CDH4: variants seen among roughly 807,000 people sequenced by gnomAD.
The protein encoded by CDH4 is cadherin 4.
In CDH4, 33 loss-of-function variants were observed where a neutral mutation model predicts 86.0. The observed-to-expected ratio is 0.38, with a 90% CI of 0.29 to 0.51. The LOEUF (loss-of-function observed/expected upper bound fraction) is 0.51. CDH4 is among the 20% of genes least tolerant of loss of function. CDH4 has a pLI of 0.86. For synonymous variants in CDH4, 555 were observed against 549.4 expected, an observed-to-expected ratio of 1.01 and a Z score of -0.14; for missense variants, 1,114 against 1,307.4, an observed-to-expected ratio of 0.85 and a Z score of 2.28.
At chr20:61,888,524 G>T (rs1320299470) in intron 7 of CDH4, among the ~76,000 whole-genome samples, 1 of 152,252 alleles carries the variant, frequency 6.6e-6, no homozygotes, top group Non-Finnish European at 1.5e-5. Context: ...GAAACCTTGG[G>T]GAAGGGACCT....
rs1018014821 is a variant in CDH4 at position 61,338,380 on chromosome 20, A to G, written c.169+83443A>G. 4.6e-5 allele frequency among the ~76,000 whole-genome samples: 7 copies of G among 152,322 alleles called. No homozygotes were observed. In the South Asian group the frequency reaches 1.4e-3, roughly 32 times the overall value. On this transcript the variant is annotated intron_variant, in intron 2 of 15. Coordinates refer to ENST00000614565, the MANE Select transcript of CDH4 (RefSeq NM_001794.5). ...CAAAAGGGAACATTCTTTCTTGGCAACAATTGAGTAGTTGTACATAAGATT... is the reference window on the plus strand; with the variant it reads ...CAAAAGGGAACATTCTTTCTTGGCAGCAATTGAGTAGTTGTACATAAGATT...
intron 2 of CDH4, among the ~76,000 whole-genome samples, chr20:61,689,025 CTG>C (rs1298611848): frequency 2.0e-5 from 3 of 152,268 alleles, no homozygotes; most frequent in African/African-American, 7.2e-5. Context: ...CTCGCCTTCC[CTG>C]TGTGTCTTGG....
intron 2 of CDH4, among the ~76,000 whole-genome samples, chr20:61,652,999 G>A (rs2145818818): frequency 8.7e-6 from 1 of 115,394 alleles, no homozygotes; most frequent in African/African-American, 3.0e-5. Flanking sequence ...GATTTGGCAG[G>A]GTCATAGGAC....
Position 61,550,031 on chromosome 20 carries a change from GCCTCCCTGGCCTCCCTGCCCCAA to G in CDH4, c.170-193515_170-193493del, listed in dbSNP as rs887766592. Among the ~76,000 whole-genome samples, 9 of 150,502 alleles carry G rather than the reference GCCTCCCTGGCCTCCCTGCCCCAA, an allele frequency of 6.0e-5. 1 individual carries two copies. Among genetic ancestry groups the G allele is most frequent in the Admixed American group, 4.6e-4 (7 of 15,230 alleles). On this transcript the variant is annotated intron_variant, in intron 2 of 15. Coordinates refer to ENST00000614565, the MANE Select transcript of CDH4 (RefSeq NM_001794.5). ...CTGCAGCCCTGGCCTCCTTGTCCTG[GCCTCCCTGGCCTCCCTGCCCCAA>G]CCTCCCTGGCCTCCCTAGCCTGCTT...
intron 2 of CDH4, among the ~76,000 whole-genome samples, chr20:61,588,782 A>G (rs988938639): frequency 6.6e-6 from 1 of 152,194 alleles, no homozygotes; most frequent in Non-Finnish European, 1.5e-5. Flanking sequence ...TTCCCGAGAA[A>G]AGCCGACAAA....
At chr20:61,606,364 G>A (rs2086645639) in intron 2 of CDH4, among the ~76,000 whole-genome samples, 1 of 152,192 alleles carries the variant, frequency 6.6e-6, no homozygotes, top group South Asian at 2.1e-4. Flanking sequence ...GGGCACTGAG[G>A]CACAGAGAGG....
intron 2 of CDH4, among the ~76,000 whole-genome samples, chr20:61,739,793 G>C (rs1223485743): frequency 6.6e-6 from 1 of 152,350 alleles, no homozygotes; most frequent in African/African-American, 2.4e-5. Context: ...CCGCTGCAGA[G>C]GCGAGGGCAG....
chr20:61,693,607 G>A (rs188446241), intron 2 of CDH4, among the ~76,000 whole-genome samples: 33 of 152,316 alleles, frequency 2.2e-4, no homozygotes, highest in African/African-American at 6.5e-4. Context: ...CTTTTAGAGC[G>A]TGGATCACTC....
intron 4 of CDH4, among the ~76,000 whole-genome samples, chr20:61,814,696 T>C (rs1276677407): frequency 6.6e-6 from 1 of 152,246 alleles, no homozygotes; most frequent in Admixed American, 6.5e-5. Flanking sequence ...CCTGATCTCG[T>C]CATGCTTCTC....
chr20:61,280,377 G>A lies in CDH4; in HGVS notation c.169+25440G>A, dbSNP rs1027239946. On this transcript the variant is annotated intron_variant, in intron 2 of 15. Transcript: ENST00000614565. ...CCCAAGCAGCCAATCCCTCTCTGGC[G>A]CCTCCCAAGGCGGGGGCGTGTGACG... Among the ~76,000 whole-genome samples the A allele has an allele frequency of 4.6e-5, 7 of 152,200 alleles. 1 individual carries two copies. In the South Asian group the frequency reaches 1.0e-3, roughly 22 times the overall value.
chr20:61,328,971 G>C (rs2084553119), intron 2 of CDH4, among the ~76,000 whole-genome samples: 1 of 152,168 alleles, frequency 6.6e-6, no homozygotes, highest in Non-Finnish European at 1.5e-5. Context: ...CACCTCACAT[G>C]CTGAGCATCA....
chr20:61,501,745 AT>A lies in CDH4; in HGVS notation c.170-241816del. Among the ~76,000 whole-genome samples the A allele has an allele frequency of 6.6e-6, 1 of 152,216 alleles. No individual in the cohort carries two copies. Among genetic ancestry groups the A allele is most frequent in the South Asian group, 2.1e-4 (1 of 4,812 alleles). On this transcript the variant is annotated intron_variant, in intron 2 of 15. Transcript: ENST00000614565. The surrounding 1 kb of genome is among the most constrained non-coding windows in gnomAD (Gnocchi z 4.2). ...GCACCACCCCGCCACTGCCTCCACC[AT>A]TCGTTAGGGAGCCACTCATTATGGG...
chr20:61,743,491 C>T lies in CDH4; in HGVS notation c.170-72C>T, dbSNP rs139681074. Reference sequence around the variant, plus strand: ...CACTGGGGGCCTGTAGGGCGTCCTGCGTGGTTGCTGCCATTGTTACCGCCC... The same window carrying T: ...CACTGGGGGCCTGTAGGGCGTCCTGTGTGGTTGCTGCCATTGTTACCGCCC... On this transcript the variant is annotated intron_variant, in intron 2 of 15. Coordinates refer to ENST00000614565, the MANE Select transcript of CDH4 (RefSeq NM_001794.5). 934 of 1,163,300 alleles carry T rather than the reference C, an allele frequency of 8.0e-4. 1 individual carries two copies. Among genetic ancestry groups the T allele is most frequent in the African/African-American group, 1.1e-3 (73 of 65,846 alleles). 72.1% of individuals were successfully genotyped at this position (1,163,300 alleles called of 1,614,324 possible).
chr20:61,935,965 G>C (rs2055178238), intron 15 of CDH4, among the ~76,000 whole-genome samples: 1 of 152,114 alleles, frequency 6.6e-6, no homozygotes, highest in Non-Finnish European at 1.5e-5. Context: ...CAACAAACCA[G>C]TCCATACTGA....
intron 2 of CDH4, among the ~76,000 whole-genome samples, chr20:61,701,684 G>C (rs999828059): frequency 6.6e-6 from 1 of 152,240 alleles, no homozygotes; most frequent in Non-Finnish European, 1.5e-5. Context: ...CACCAGGCAG[G>C]CCTCCAGCGC....
intron 2 of CDH4, among the ~76,000 whole-genome samples, chr20:61,471,292 A>C (rs775984408): frequency 9.2e-5 from 14 of 151,884 alleles, no homozygotes; most frequent in Non-Finnish European, 1.8e-4. Context: ...TTTCCTCTAT[A>C]TTTTCCAACT....
chr20:61,620,822 C>T (rs943042497), intron 2 of CDH4, among the ~76,000 whole-genome samples: 2 of 152,196 alleles, frequency 1.3e-5, no homozygotes, highest in Non-Finnish European at 2.9e-5. Flanking sequence ...TGGACACATT[C>T]TCCCTGGCCA....
At chr20:61,624,467 C>T (rs558738890) in intron 2 of CDH4, among the ~76,000 whole-genome samples, 7 of 152,252 alleles carry the variant, frequency 4.6e-5, no homozygotes, top group Admixed American at 3.9e-4. Flanking sequence ...CAGCAAGGAA[C>T]CTGGCTTTCT....
intron 4 of CDH4, among the ~76,000 whole-genome samples, chr20:61,836,600 C>A (rs1438442527): frequency 6.6e-6 from 1 of 152,164 alleles, no homozygotes; most frequent in East Asian, 1.9e-4. Context: ...AAAAGTATTT[C>A]GGAAAATGCA....
Sources: allele counts gnomAD v4.1 joint callset (sites outside exome capture counted in the v4.1 genomes callset), GRCh38; gene constraint gnomAD v4.1.1; non-coding constraint Gnocchi (gnomAD v3.1); transcripts MANE v1.5; gene names NCBI Gene and HGNC (gene_info 2026-07-23, HGNC 2026-07-21).